The following KALRN variants were observed in gnomAD, a reference collection of about 807,000 sequenced individuals.
KALRN encodes the protein kalirin.
In KALRN, 70 loss-of-function variants were observed where a neutral mutation model predicts 353.7. That is an observed-to-expected ratio of 0.20 (90% confidence interval 0.16 to 0.24). The LOEUF (loss-of-function observed/expected upper bound fraction) is 0.24. Ranked by LOEUF, KALRN falls within the 10% of genes least tolerant of loss-of-function variation. The pLI is 1.00. For synonymous variants in KALRN, 1,391 were observed against 1,434.8 expected, an observed-to-expected ratio of 0.97 and a Z score of 0.69; for missense variants, 2,791 against 3,756.7, an observed-to-expected ratio of 0.74 and a Z score of 6.72.
chr3:124,453,759 C>T (rs1019319939), intron 21 of KALRN, among the ~76,000 whole-genome samples: 2 of 152,154 alleles, frequency 1.3e-5, no homozygotes, highest in African/African-American at 2.4e-5. Flanking sequence ...CAGCAGTCTG[C>T]TTGTTGGGTG....
intron 1 of KALRN, among the ~76,000 whole-genome samples, chr3:124,217,584 T>C (rs2077463176): frequency 6.6e-6 from 1 of 152,196 alleles, no homozygotes; most frequent in South Asian, 2.1e-4. Flanking sequence ...ATCCCTCCAA[T>C]GCTTCTTCAC....
rs1368233044 is a variant in KALRN, at chr3:124,720,737, A to G, written c.*1267A>G. The G allele has an allele frequency of 6.6e-6, 1 of 152,260 alleles. No homozygotes were observed. The highest frequency in any genetic ancestry group is 1.5e-5 in the Non-Finnish European group (1 of 68,038). 9.4% of individuals were successfully genotyped at this position (152,260 alleles called of 1,614,324 possible). On this transcript the variant is annotated 3_prime_UTR_variant, in exon 60 of 60. Coordinates refer to ENST00000682506, the MANE Select transcript of KALRN (RefSeq NM_001388419.1). ...TGAGGCCAATGCTGCTTTCTGGTGTATATTCTCCATACAAGATTATTATTA... is the reference window on the plus strand; with the variant it reads ...TGAGGCCAATGCTGCTTTCTGGTGTGTATTCTCCATACAAGATTATTATTA...
intron 1 of KALRN, among the ~76,000 whole-genome samples, chr3:124,224,735 C>G (rs1447205361): frequency 1.3e-5 from 2 of 152,150 alleles, no homozygotes; most frequent in Non-Finnish European, 2.9e-5. Context: ...TCCCAAGGTG[C>G]AATGAATCTT....
chr3:124,064,128 A>G (rs2042171258), intron 1 of KALRN, among the ~76,000 whole-genome samples: 2 of 152,224 alleles, frequency 1.3e-5, no homozygotes, highest in Non-Finnish European at 2.9e-5. Flanking sequence ...TTTGGCCTCA[A>G]AGAATTCAGA....
intron 37 of KALRN, among the ~76,000 whole-genome samples, chr3:124,641,264 G>A (rs1010275478): frequency 2.0e-5 from 3 of 152,158 alleles, no homozygotes; most frequent in Non-Finnish European, 4.4e-5. Flanking sequence ...GGGCCCTTCT[G>A]TGGTCTTGCT....
At chr3:124,191,956 A>G (rs1313283332) in intron 1 of KALRN, among the ~76,000 whole-genome samples, 1 of 152,228 alleles carries the variant, frequency 6.6e-6, no homozygotes, top group Non-Finnish European at 1.5e-5. Context: ...CTACAACACT[A>G]GGTCTGGGCA....
At position 124,128,860 on chromosome 3, in the gene KALRN, A is replaced by T. The variant is rs115801718; in HGVS notation, c.73+95047A>T. Among the ~76,000 whole-genome samples, 454 of 152,080 alleles carry T rather than the reference A, an allele frequency of 3.0e-3. 1 individual carries two copies. The highest frequency in any genetic ancestry group is 0.01 in the African/African-American group (428 of 41,472). ...GAGTTCTGTGGTCCAGAGTCATCTC[A>T]TTGGTCTAAACATTGTGTGCTTGTT... On this transcript the variant is annotated intron_variant, in intron 1 of 59. Transcript: ENST00000682506.
intron 51 of KALRN, among the ~76,000 whole-genome samples, chr3:124,686,210 A>C (rs1000062963): frequency 5.3e-5 from 8 of 152,206 alleles, no homozygotes; most frequent in Admixed American, 3.9e-4. Flanking sequence ...TTCTGTGGAT[A>C]TTTATGCACC....
At chr3:124,491,010 GA>G (rs1227602962) in intron 30 of KALRN, 126 bp downstream of exon 30, 6 of 812,852 alleles carry the variant, frequency 7.4e-6, no homozygotes, top group Admixed American at 5.7e-5. Flanking sequence ...CTGGACAAAT[GA>G]AAATGTCTCC....
At chr3:124,454,938 C>A (rs1179293516) in intron 21 of KALRN, among the ~76,000 whole-genome samples, 1 of 152,150 alleles carries the variant, frequency 6.6e-6, no homozygotes, top group African/African-American at 2.4e-5. Context: ...CCCCCCACCC[C>A]AGCACTGAGG....
intron 51 of KALRN, among the ~76,000 whole-genome samples, chr3:124,692,907 T>C (rs2061885720): frequency 6.6e-6 from 1 of 152,180 alleles, no homozygotes; most frequent in African/African-American, 2.4e-5. Flanking sequence ...GGATGATTAG[T>C]GGTAATACAA....
At position 124,674,608 on chromosome 3, in the gene KALRN, G is replaced by A. The variant is rs756493850; in HGVS notation, c.7187G>A (p.Ser2396Asn). 1.3e-6 allele frequency: 2 copies of A among 1,585,152 alleles called. No individual in the cohort carries two copies. The highest frequency in any genetic ancestry group is 2.3e-5 in the East Asian group (1 of 44,248). The change falls in exon 49 of 60, where the codon AGC becomes AAC. Residue 2396 changes from serine (S) to asparagine (N), a missense_variant. Ser to Asn is a conservative substitution (Grantham distance 46, BLOSUM62 1). Transcript: ENST00000682506. ...ACAGCAGCAGAAAGTAGTGACGGGA[G>A]CATCAAGTAAGTGCCTCGTTGGCTT... The part of the protein sequence containing the change: ...KATAAESSDG[S>N]IKKSCSWHTL...
chr3:124,053,578 G>T lies in KALRN; in HGVS notation c.73+19765G>T, dbSNP rs181069243. Reference sequence around the variant, plus strand: ...TTCTACTGTAAAAGGGTTTAGCACTGCTCCATTCTTCAAACTCTACATATT... The same window carrying T: ...TTCTACTGTAAAAGGGTTTAGCACTTCTCCATTCTTCAAACTCTACATATT... On this transcript the variant is annotated intron_variant, in intron 1 of 59. Coordinates refer to ENST00000682506, the MANE Select transcript of KALRN (RefSeq NM_001388419.1). 2.6e-5 allele frequency among the ~76,000 whole-genome samples: 4 copies of T among 152,236 alleles called. No homozygotes were observed. In the East Asian group the frequency reaches 7.7e-4, roughly 29 times the overall value.
At chr3:124,349,264 A>G (rs917900528) in intron 10 of KALRN, among the ~76,000 whole-genome samples, 1 of 152,200 alleles carries the variant, frequency 6.6e-6, no homozygotes, top group African/African-American at 2.4e-5. Flanking sequence ...TTATACCTAG[A>G]GTAGTGAAAT....
Position 124,564,167 on chromosome 3 carries a change from C to T in KALRN, c.5182+1078C>T, listed in dbSNP as rs945521515. On this transcript the variant is annotated intron_variant, in intron 34 of 59. Transcript: ENST00000682506. ...TTGCAGTGAGTCGAGATCGCGCCAC[C>T]GCACTCCAGCCTGGGCGACAGAGCG... Among the ~76,000 whole-genome samples, 17 of 146,122 alleles carry T rather than the reference C, an allele frequency of 1.2e-4. No individual in the cohort carries two copies. The East Asian group carries it at 1.2e-3, about 10-fold the overall frequency.
At chr3:124,447,083 C>T (rs1187628850) in intron 21 of KALRN, among the ~76,000 whole-genome samples, 198 bp downstream of exon 21, 2 of 152,312 alleles carry the variant, frequency 1.3e-5, no homozygotes, top group South Asian at 2.1e-4. Context: ...CTGGGTAGAG[C>T]AGCTGTATGC....
intron 8 of KALRN, among the ~76,000 whole-genome samples, chr3:124,331,861 C>T (rs985126952): frequency 2.0e-5 from 3 of 152,254 alleles, no homozygotes. Context: ...GTGAGCTGTC[C>T]ATGCTTCCTA....
At chr3:124,122,334 T>G (rs2064125634) in intron 1 of KALRN, among the ~76,000 whole-genome samples, 1 of 152,110 alleles carries the variant, frequency 6.6e-6, no homozygotes, top group Admixed American at 6.5e-5. Context: ...AAAGCCAGAC[T>G]GCAGGAGCCT....
intron 1 of KALRN, among the ~76,000 whole-genome samples, chr3:124,133,310 A>G (rs1304191825): frequency 6.6e-6 from 1 of 152,178 alleles, no homozygotes; most frequent in East Asian, 1.9e-4. Flanking sequence ...AGTTTAAAAA[A>G]CAAAACAACA....
Sources: allele counts gnomAD v4.1 joint callset (sites outside exome capture counted in the v4.1 genomes callset), GRCh38; gene constraint gnomAD v4.1.1; transcripts MANE v1.5; gene names NCBI Gene and HGNC (gene_info 2026-07-23, HGNC 2026-07-21).